The following CAMK4 variants were observed in gnomAD, a reference collection of about 807,000 sequenced individuals.
The protein encoded by CAMK4 is calcium/calmodulin-dependent protein kinase type IV.
In CAMK4, 22 loss-of-function variants were observed where a neutral mutation model predicts 44.9. That is an observed-to-expected ratio of 0.49 (90% CI 0.35 to 0.70). The LOEUF is 0.70. CAMK4 is among the 30% of genes least tolerant of loss of function. The pLI is 0.01. For synonymous variants in CAMK4, 218 were observed against 215.4 expected (o/e 1.01, Z -0.11); for missense variants, 498 against 586.8 (o/e 0.85, Z 1.56).
At position 111,473,493 on chromosome 5, in the gene CAMK4, G is replaced by A. The variant is rs148870621; in HGVS notation, c.701+107G>A. 7.4e-5 allele frequency: 52 copies of A among 704,588 alleles called. No homozygotes were observed. In the African/African-American group the frequency reaches 8.3e-4, roughly 11 times the overall value. 43.6% of individuals were successfully genotyped at this position (704,588 alleles called of 1,614,324 possible). A position where few individuals can be genotyped will look rare whatever the true frequency, so the allele number is the denominator to read the frequency against. On this transcript the variant is annotated intron_variant, in intron 8 of 10. Coordinates refer to ENST00000282356, the MANE Select transcript of CAMK4 (RefSeq NM_001744.6). Reference sequence around the variant, plus strand: ...CATAAAGATTACTTTTTGCCTTTTTGTGATTTTCTGTTACATACTAAATGC... The same window carrying A: ...CATAAAGATTACTTTTTGCCTTTTTATGATTTTCTGTTACATACTAAATGC...
intron 5 of CAMK4, among the ~76,000 whole-genome samples, chr5:111,395,707 A>C (rs1000233568): frequency 2.0e-5 from 3 of 152,190 alleles, no homozygotes; most frequent in African/African-American, 4.8e-5. Context: ...GGATTGCATT[A>C]AGCAGGTAAT....
intron 4 of CAMK4, among the ~76,000 whole-genome samples, chr5:111,388,318 A>C (rs1751677756): frequency 6.6e-6 from 1 of 152,164 alleles, no homozygotes; most frequent in Non-Finnish European, 1.5e-5. Flanking sequence ...ATCTATGATA[A>C]TGTTTTTTGT....
chr5:111,340,119 G>A (rs544445320), intron 1 of CAMK4, among the ~76,000 whole-genome samples: 1 of 150,964 alleles, frequency 6.6e-6, no homozygotes, highest in Non-Finnish European at 1.5e-5. Flanking sequence ...ACTGTATTTT[G>A]GTGAAGTCTT....
chr5:111,471,006 C>A (rs1209191175), intron 7 of CAMK4, among the ~76,000 whole-genome samples: 1 of 152,196 alleles, frequency 6.6e-6, no homozygotes, highest in African/African-American at 2.4e-5. Flanking sequence ...TTTTGCTTAG[C>A]CTGGACCACT....
chr5:111,378,537 A>G (rs75682402), intron 4 of CAMK4, among the ~76,000 whole-genome samples: 2 of 152,264 alleles, frequency 1.3e-5, no homozygotes, highest in East Asian at 3.9e-4. Context: ...TTGCAACTAC[A>G]TATGTATGTG....
chr5:111,460,937 T>C (rs1754622610), intron 7 of CAMK4, among the ~76,000 whole-genome samples: 1 of 152,188 alleles, frequency 6.6e-6, no homozygotes, highest in Non-Finnish European at 1.5e-5. Flanking sequence ...AAAAATAAGA[T>C]GAGGGAAATA....
chr5:111,405,208 G>A (rs935202519), intron 5 of CAMK4, among the ~76,000 whole-genome samples: 8 of 152,294 alleles, frequency 5.3e-5, no homozygotes, highest in Admixed American at 2.0e-4. Flanking sequence ...GGTGGCTCAC[G>A]CCTGTAATCC....
rs563361531 is a variant in CAMK4, at chr5:111,224,821, C to A, written c.161+177C>A. Among the ~76,000 whole-genome samples the A allele has an allele frequency of 1.2e-4, 19 of 152,238 alleles. No homozygotes were observed. The South Asian group carries it at 3.7e-3, about 30-fold the overall frequency. On this transcript the variant is annotated intron_variant, in intron 1 of 10. Transcript: ENST00000282356. This position sits in a 1 kb window ranked among gnomAD's most constrained non-coding sequence, Gnocchi z 5.7. ...CAGGTGCGGCTCGAGTCCTTCCCAC[C>A]CCACCAGAGCGCCTAGGCCGGTGCA...
chr5:111,330,012 G>T, intron 1 of CAMK4, among the ~76,000 whole-genome samples: 1 of 151,096 alleles, frequency 6.6e-6, no homozygotes, highest in Non-Finnish European at 1.5e-5. Context: ...AAGAGAAAAA[G>T]GTAAAGTTTG....
At chr5:111,244,648 G>T (rs879453817) in intron 1 of CAMK4, among the ~76,000 whole-genome samples, 1 of 152,148 alleles carries the variant, frequency 6.6e-6, no homozygotes, top group Admixed American at 6.5e-5. Flanking sequence ...GGATGTCGAG[G>T]TCAGGAGATC....
At chr5:111,448,960 T>G (rs942235176) in intron 6 of CAMK4, among the ~76,000 whole-genome samples, 169 bp from the exon 7 acceptor site, 4 of 152,246 alleles carry the variant, frequency 2.6e-5, no homozygotes, top group Non-Finnish European at 4.4e-5. Flanking sequence ...ACATGGATTG[T>G]TTTCTTTAGC....
intron 5 of CAMK4, among the ~76,000 whole-genome samples, chr5:111,417,823 G>A (rs1167617461): frequency 6.6e-6 from 1 of 152,074 alleles, no homozygotes; most frequent in African/African-American, 2.4e-5. Context: ...AATTCAAAAC[G>A]TCCATTTATT....
chr5:111,474,613 CGTAGCAGAATGCT>C (rs1755174343), intron 8 of CAMK4, among the ~76,000 whole-genome samples: 1 of 152,068 alleles, frequency 6.6e-6, no homozygotes, highest in Admixed American at 6.5e-5. Context: ...CAATTCAGTC[CGTAGCAGAATGCT>C]TTTAATTAAA....
chr5:111,420,051 G>A (rs1346504448), intron 5 of CAMK4, among the ~76,000 whole-genome samples: 8 of 151,622 alleles, frequency 5.3e-5, no homozygotes, highest in Non-Finnish European at 8.8e-5. Context: ...CCATTTTCAC[G>A]ATATTGATTC....
chr5:111,412,611 G>C (rs75262054), intron 5 of CAMK4, among the ~76,000 whole-genome samples: 1 of 152,158 alleles, frequency 6.6e-6, no homozygotes, highest in Non-Finnish European at 1.5e-5. Context: ...GTCATTCATA[G>C]GTAAAGGCAG....
At chr5:111,300,796 C>T (rs1301060789) in intron 1 of CAMK4, among the ~76,000 whole-genome samples, 1 of 152,134 alleles carries the variant, frequency 6.6e-6, no homozygotes, top group Admixed American at 6.5e-5. Context: ...GTTATTTTAA[C>T]ATCATTTTTA....
chr5:111,413,331 C>A (rs957452439), intron 5 of CAMK4, among the ~76,000 whole-genome samples: 7 of 152,166 alleles, frequency 4.6e-5, no homozygotes, highest in Admixed American at 4.6e-4. Flanking sequence ...GTAATCCCAG[C>A]ACTTTGGGAG....
At chr5:111,442,797 T>A (rs923109439) in intron 5 of CAMK4, among the ~76,000 whole-genome samples, 11 of 148,456 alleles carry the variant, frequency 7.4e-5, no homozygotes, top group Admixed American at 5.4e-4. Flanking sequence ...TAACATAATA[T>A]TAATATATTT....
In CAMK4 at chr5:111,303,303, T is replaced by C. The variant is rs1239370318; in HGVS notation, c.162-40721T>C. ...CAGACGATCAGATTACTCTGAGCTATGGGAGGACATTCAAACCAAAGGCAA... is the reference window on the plus strand; with the variant it reads ...CAGACGATCAGATTACTCTGAGCTACGGGAGGACATTCAAACCAAAGGCAA... On this transcript the variant is annotated intron_variant, in intron 1 of 10. Transcript: ENST00000282356. Among the ~76,000 whole-genome samples, 4 of 134,984 alleles carry C rather than the reference T, an allele frequency of 3.0e-5. No homozygotes were observed. The East Asian group carries it at 6.5e-4, about 22-fold the overall frequency. The allele number at this position is 134,984 out of a possible 152,430, so 88.6% of individuals were successfully genotyped here.
Sources: gnomAD v4.1 joint callset for allele counts (sites outside exome capture counted in the v4.1 genomes callset) on GRCh38, gnomAD v4.1.1 for gene constraint, Gnocchi (gnomAD v3.1) non-coding constraint, MANE v1.5 for transcripts, NCBI Gene and HGNC (gene_info 2026-07-23, HGNC 2026-07-21) for gene names.